ATG4A: variants seen among roughly 807,000 people sequenced by gnomAD.
ATG4A encodes the protein autophagy related 4A cysteine peptidase, also known as cysteine protease ATG4A.
In ATG4A, 22 loss-of-function variants were observed where a neutral mutation model predicts 38.4. The observed-to-expected ratio is 0.57, with a 90% CI of 0.41 to 0.82. The LOEUF is 0.82. ATG4A is among the 40% of genes least tolerant of loss of function. The pLI is 0.00. For missense variants in ATG4A, 220 were observed against 290.0 expected (o/e 0.76, Z 1.75); for synonymous variants, 86 against 100.7 (o/e 0.85, Z 0.88).
chrX:108,124,615 C>T (rs2032751308), intron 1 of ATG4A, among the ~76,000 whole-genome samples: 1 of 110,501 alleles, frequency 9.0e-6, no homozygotes, highest in Non-Finnish European at 1.9e-5. Flanking sequence ...CCATGCCCAG[C>T]TAATTTTTGT....
At chrX:108,118,195 A>C (rs991745728) in intron 1 of ATG4A, among the ~76,000 whole-genome samples, 3 of 111,827 alleles carry the variant, frequency 2.7e-5, no homozygotes, top group Non-Finnish European at 5.6e-5. Context: ...TTGCATTGTC[A>C]GTTTGTTTTA....
chrX:108,124,388 G>T (rs2147993615), intron 1 of ATG4A, among the ~76,000 whole-genome samples: 1 of 112,441 alleles, frequency 8.9e-6, no homozygotes, highest in South Asian at 3.7e-4. Context: ...TGAATGACTG[G>T]AATTCTGTAA....
chrX:108,141,071 CATATATATAT>C (rs139918190), intron 9 of ATG4A, among the ~76,000 whole-genome samples: 66 of 35,047 alleles, frequency 1.9e-3, no homozygotes, highest in African/African-American at 3.3e-3. Context: ...TATATATATA[CATATATATAT>C]ATATATATAT....
intron 1 of ATG4A, among the ~76,000 whole-genome samples, chrX:108,109,643 A>G (rs2032298386): frequency 8.9e-6 from 1 of 112,141 alleles, no homozygotes; most frequent in African/African-American, 3.2e-5. Flanking sequence ...ATATTGAGTT[A>G]ATTTTTGTAT....
intron 1 of ATG4A, among the ~76,000 whole-genome samples, chrX:108,108,541 G>A (rs1476334392): frequency 3.6e-5 from 4 of 110,489 alleles, no homozygotes; most frequent in Admixed American, 9.7e-5. Context: ...GTTAGGAATG[G>A]GGAAAATCAC....
In ATG4A at chrX:108,131,281, A is replaced by T; in HGVS notation, c.215A>T (p.Asp72Val). 1 of 1,211,609 alleles carries T rather than the reference A, an allele frequency of 8.3e-7. No individual in the cohort carries two copies. Among genetic ancestry groups the T allele is most frequent in the Non-Finnish European group, 1.1e-6 (1 of 895,476 alleles). Reference protein sequence around the residue: ...SPIGGTGPSSDAGWGCMLRCG... With the variant: ...SPIGGTGPSSVAGWGCMLRCG... ...ACAGGTGGAACGGGCCCTTCATCAG[A>T]TGCTGGTTGGGGATGTATGCTACGC... Residue 72 changes from aspartate (D) to valine (V), a missense_variant, in exon 4 of 13, where the codon GAT becomes GTT. Transcript: ENST00000372232.
chrX:108,102,066 A>G (rs932511237), intron 1 of ATG4A, among the ~76,000 whole-genome samples: 2 of 111,299 alleles, frequency 1.8e-5, no homozygotes, highest in African/African-American at 6.5e-5. Context: ...TCTGATTTCA[A>G]TTCTTTTGGA....
At chrX:108,091,349 A>C (rs758205932), upstream of ATG4A, 14 of 1,107,050 alleles carry the variant, frequency 1.3e-5, no homozygotes, top group African/African-American at 2.3e-4. Flanking sequence ...CGGGCCCCGA[A>C]AGCCACGTAG....
intron 9 of ATG4A, 197 bp from the exon 10 acceptor site, chrX:108,149,955 A>G: frequency 2.4e-6 from 1 of 424,235 alleles, no homozygotes; most frequent in Non-Finnish European, 4.0e-6. Flanking sequence ...GCTAGGGCAC[A>G]TCTTCTCATT....
At chrX:108,143,178 A>G (rs2033346083) in intron 9 of ATG4A, among the ~76,000 whole-genome samples, 1 of 112,561 alleles carries the variant, frequency 8.9e-6, no homozygotes, top group Non-Finnish European at 1.9e-5. Flanking sequence ...GTATACATGC[A>G]CAAACATATT....
intron 9 of ATG4A, among the ~76,000 whole-genome samples, chrX:108,144,057 G>A (rs1166693838): frequency 9.0e-6 from 1 of 111,493 alleles, no homozygotes; most frequent in Non-Finnish European, 1.9e-5. Context: ...CACTTTCTTA[G>A]CCATAAAGTG....
At chrX:108,091,932 G>T in intron 1 of ATG4A, 96 bp downstream of exon 1, 1 of 1,166,959 alleles carries the variant, frequency 8.6e-7, no homozygotes. Flanking sequence ...AGGTTCGGGG[G>T]CAGGGCAAGA....
chrX:108,123,720 G>C (rs765935821), intron 1 of ATG4A, among the ~76,000 whole-genome samples: 2 of 112,080 alleles, frequency 1.8e-5, no homozygotes, highest in South Asian at 7.5e-4. Flanking sequence ...GGGGTGAAGT[G>C]CAAGAGTAAA....
chrX:108,109,790 G>A (rs2032304107), intron 1 of ATG4A, among the ~76,000 whole-genome samples: 1 of 111,567 alleles, frequency 9.0e-6, no homozygotes, highest in South Asian at 3.7e-4. Context: ...AATATGACAG[G>A]GTTTATGTGT....
At chrX:108,129,325 A>G (rs993774805) in intron 3 of ATG4A, among the ~76,000 whole-genome samples, 2 of 112,128 alleles carry the variant, frequency 1.8e-5, no homozygotes, top group African/African-American at 6.5e-5. Flanking sequence ...CCTTGGAACT[A>G]ATTCTAGGCT....
At chrX:108,136,649 C>T (rs2033114407) in intron 6 of ATG4A, among the ~76,000 whole-genome samples, 1 of 111,968 alleles carries the variant, frequency 8.9e-6, no homozygotes. Flanking sequence ...TATCTATGAT[C>T]CCAAACAAAT....
At chrX:108,117,893 A>G (rs1437527495) in intron 1 of ATG4A, among the ~76,000 whole-genome samples, 5 of 112,377 alleles carry the variant, frequency 4.4e-5, no homozygotes, top group African/African-American at 1.6e-4. Context: ...GAGGTAACAG[A>G]TTATATGACC....
intron 2 of ATG4A, among the ~76,000 whole-genome samples, chrX:108,128,104 C>T (rs935243523): frequency 8.9e-6 from 1 of 111,928 alleles, no homozygotes; most frequent in Non-Finnish European, 1.9e-5. Flanking sequence ...AAGCCAACCC[C>T]TAGTTTTTGT....
At chrX:108,102,826 C>T (rs1602612668) in intron 1 of ATG4A, among the ~76,000 whole-genome samples, 1 of 106,347 alleles carries the variant, frequency 9.4e-6, no homozygotes, top group African/African-American at 3.4e-5. Flanking sequence ...TCTTTGCCCC[C>T]TTTTTTTTTC....
Sources: gnomAD v4.1 joint callset for allele counts (sites outside exome capture counted in the v4.1 genomes callset) on GRCh38, gnomAD v4.1.1 for gene constraint, MANE v1.5 for transcripts, NCBI Gene and HGNC (gene_info 2026-07-23, HGNC 2026-07-21) for gene names.